Variants in MAGI2 observed in about 807,000 individuals in gnomAD.
The protein encoded by MAGI2 is membrane-associated guanylate kinase, WW and PDZ domain-containing protein 2.
A neutral mutation model predicts 133.3 loss-of-function variants in MAGI2; 35 were observed. The ratio of observed to expected loss-of-function variants is 0.26; its 90% CI spans 0.20 to 0.35. The LOEUF (loss-of-function observed/expected upper bound fraction) is 0.35, where lower values mean the gene tolerates loss of function less well. Among genes scored for constraint, MAGI2 ranks in the 10% least tolerant of loss-of-function variants. MAGI2 has a pLI of 1.00. For synonymous variants in MAGI2, 729 were observed against 710.6 expected, an observed-to-expected ratio of 1.03 and a Z score of -0.41; for missense variants, 1,636 against 1,863.4, an observed-to-expected ratio of 0.88 and a Z score of 2.25.
intron 3 of MAGI2, among the ~76,000 whole-genome samples, chr7:78,537,340 A>C (rs1480371934): frequency 6.6e-6 from 1 of 152,078 alleles, no homozygotes; most frequent in African/African-American, 2.4e-5. Context: ...ATAATGACTT[A>C]TTTTCCACTG....
rs145570201 is a variant in MAGI2, at chr7:79,162,735, C to G, written c.302-155529G>C. ...GTTGTGAAGAGAAATATATTTTTATCTAGATACATATTTTAAAATTCTTTT... is the reference window on the plus strand; with the variant it reads ...GTTGTGAAGAGAAATATATTTTTATGTAGATACATATTTTAAAATTCTTTT... On this transcript the variant is annotated intron_variant, in intron 1 of 21. Coordinates refer to ENST00000354212, the MANE Select transcript of MAGI2 (RefSeq NM_012301.4). 2.0e-3 allele frequency among the ~76,000 whole-genome samples: 298 copies of G among 152,174 alleles called. 1 individual carries two copies. Among genetic ancestry groups the G allele is most frequent in the African/African-American group, 6.6e-3 (276 of 41,540 alleles).
At chr7:79,417,752 A>C (rs191370948) in intron 1 of MAGI2, among the ~76,000 whole-genome samples, 133 of 136,766 alleles carry the variant, frequency 9.7e-4, no homozygotes, top group South Asian at 1.5e-3. Flanking sequence ...CATATGCACA[A>C]AAAAAAAAAA....
At position 79,091,129 on chromosome 7, in the gene MAGI2, C is replaced by T. The variant is rs181520744; in HGVS notation, c.302-83923G>A. 4.1e-4 allele frequency among the ~76,000 whole-genome samples: 62 copies of T among 152,204 alleles called. 1 individual carries two copies. Among genetic ancestry groups the T allele is most frequent in the Non-Finnish European group, 2.8e-4 (19 of 67,998 alleles). Reference sequence around the variant, plus strand: ...TTCAGCATTTATTCACAGTGGACCACATTTGCTAACTCTTATCCTTGGTTC... The same window carrying T: ...TTCAGCATTTATTCACAGTGGACCATATTTGCTAACTCTTATCCTTGGTTC... On this transcript the variant is annotated intron_variant, in intron 1 of 21. Coordinates refer to ENST00000354212, the MANE Select transcript of MAGI2 (RefSeq NM_012301.4).
At chr7:78,259,440 C>G (rs1450057189) in intron 9 of MAGI2, among the ~76,000 whole-genome samples, 2 of 152,022 alleles carry the variant, frequency 1.3e-5, no homozygotes, top group Non-Finnish European at 2.9e-5. Context: ...ACTTATTGTT[C>G]CATGGGAAAT....
At chr7:78,176,948 C>CAT (rs1195002316) in intron 14 of MAGI2, among the ~76,000 whole-genome samples, 1 of 149,076 alleles carries the variant, frequency 6.7e-6, no homozygotes, top group Non-Finnish European at 1.5e-5. Context: ...CACACACACA[C>CAT]ACATATATAG....
chr7:78,160,146 A>C lies in MAGI2; in HGVS notation c.2724T>G (p.Pro908=). The change falls in exon 16 of 22, where the codon CCT becomes CCG. Residue 908 remains proline, a synonymous_variant. Transcript: ENST00000354212. ...GCAGGCTGTGGGAGGCGAAGCCTTC[A>C]GGGGGAGAGGCATTGCTACTGGGGG... The part of the protein sequence containing the change: ...HAAPSSNASP[P]EGFASHSLQT... The C allele has an allele frequency of 6.2e-7, 1 of 1,612,624 alleles. No homozygotes were observed. The highest frequency in any genetic ancestry group is 8.5e-7 in the Non-Finnish European group (1 of 1,179,318).
intron 2 of MAGI2, among the ~76,000 whole-genome samples, chr7:78,854,703 A>T: frequency 6.8e-6 from 1 of 146,278 alleles, no homozygotes; most frequent in Admixed American, 6.8e-5. Context: ...TGAAATTTCC[A>T]TTTTCCCAAG....
chr7:78,922,288 C>G (rs1799310299), intron 2 of MAGI2, among the ~76,000 whole-genome samples: 1 of 151,544 alleles, frequency 6.6e-6, no homozygotes. Flanking sequence ...GTGTGCTGCA[C>G]CCATTAAGTC....
At chr7:78,493,098 A>G (rs1211656436) in intron 5 of MAGI2, among the ~76,000 whole-genome samples, 1 of 152,182 alleles carries the variant, frequency 6.6e-6, no homozygotes, top group Non-Finnish European at 1.5e-5. Context: ...CTGATGTTAA[A>G]CTAAACACTG....
intron 1 of MAGI2, among the ~76,000 whole-genome samples, chr7:79,104,905 C>T (rs1003791712): frequency 6.6e-6 from 1 of 152,166 alleles, no homozygotes; most frequent in Non-Finnish European, 1.5e-5. Flanking sequence ...CACAGCTAAA[C>T]ATACAAAGTT....
chr7:78,581,704 A>T (rs947648161), intron 3 of MAGI2, among the ~76,000 whole-genome samples: 4 of 152,200 alleles, frequency 2.6e-5, no homozygotes, highest in Non-Finnish European at 5.9e-5. Flanking sequence ...GAGAAAGCAT[A>T]CAAATTTGGT....
At position 78,986,498 on chromosome 7, in the gene MAGI2, T is replaced by C. The variant is rs576112207; in HGVS notation, c.418+20592A>G. Among the ~76,000 whole-genome samples the C allele has an allele frequency of 1.6e-4, 25 of 152,076 alleles. 1 individual carries two copies. Among genetic ancestry groups the C allele is most frequent in the African/African-American group, 5.5e-4 (23 of 41,524 alleles). ...GTCCATTCAAACCGGTCTTTTTTTT[T>C]CCAATCTAGTAGCTTAGAGCTTCAG... On this transcript the variant is annotated intron_variant, in intron 2 of 21. Coordinates refer to ENST00000354212, the MANE Select transcript of MAGI2 (RefSeq NM_012301.4).
chr7:78,523,478 C>T (rs1042410571), intron 3 of MAGI2, among the ~76,000 whole-genome samples: 1 of 151,346 alleles, frequency 6.6e-6, no homozygotes, highest in Non-Finnish European at 1.5e-5. Flanking sequence ...GACTCCATCT[C>T]AAAAAAATAA....
chr7:79,086,558 T>G (rs1028722434), intron 1 of MAGI2, among the ~76,000 whole-genome samples: 4 of 151,874 alleles, frequency 2.6e-5, no homozygotes, highest in African/African-American at 9.7e-5. Context: ...AAGTTGATTT[T>G]GACATTTTTA....
intron 1 of MAGI2, among the ~76,000 whole-genome samples, chr7:79,238,095 G>A (rs1290715370): frequency 6.6e-6 from 1 of 152,060 alleles, no homozygotes. Flanking sequence ...CATTCCATTT[G>A]ATTCTACTGG....
At chr7:79,437,641 G>A (rs375593396) in intron 1 of MAGI2, among the ~76,000 whole-genome samples, 2 of 152,052 alleles carry the variant, frequency 1.3e-5, no homozygotes, top group Non-Finnish European at 2.9e-5. Context: ...AGCCTAGAAC[G>A]TCACAGCAAT....
intron 6 of MAGI2, among the ~76,000 whole-genome samples, chr7:78,413,528 T>A (rs1316813010): frequency 1.3e-5 from 2 of 152,040 alleles, no homozygotes; most frequent in African/African-American, 4.8e-5. Flanking sequence ...AAATGCCTAA[T>A]AAACAGTTGG....
At chr7:79,376,172 A>C (rs923072030) in intron 1 of MAGI2, among the ~76,000 whole-genome samples, 6 of 151,904 alleles carry the variant, frequency 3.9e-5, no homozygotes, top group African/African-American at 1.2e-4. Flanking sequence ...AAAGCTCCCC[A>C]GTGACCACCT....
At chr7:79,389,142 A>C (rs2129149001) in intron 1 of MAGI2, among the ~76,000 whole-genome samples, 1 of 152,126 alleles carries the variant, frequency 6.6e-6, no homozygotes, top group East Asian at 1.9e-4. Flanking sequence ...TAATGTGTTA[A>C]CAAATAAAAT....
Sources: allele counts gnomAD v4.1 joint callset (sites outside exome capture counted in the v4.1 genomes callset), GRCh38; gene constraint gnomAD v4.1.1; transcripts MANE v1.5; gene names NCBI Gene and HGNC (gene_info 2026-07-23, HGNC 2026-07-21).